Variants in FGF1 observed in about 807,000 individuals in gnomAD.
FGF1 encodes fibroblast growth factor 1, also known as beta-endothelial cell growth factor.
FGF1 carries 9 observed loss-of-function variants against 13.4 expected under a neutral mutation model. The observed-to-expected ratio is 0.67, with a 90% CI of 0.40 to 1.17. FGF1 has a LOEUF of 1.17. FGF1 is among the 50% of genes most tolerant of loss of function. The pLI is 0.01. For synonymous variants in FGF1, 93 were observed against 79.0 expected, an observed-to-expected ratio of 1.18 and a Z score of -0.94; for missense variants, 156 against 192.7, an observed-to-expected ratio of 0.81 and a Z score of 1.13.
At chr5:142,682,990 T>C (rs545663020) in intron 1 of FGF1, among the ~76,000 whole-genome samples, 1 of 152,264 alleles carries the variant, frequency 6.6e-6, no homozygotes, top group South Asian at 2.1e-4. Flanking sequence ...TCTGTGGTTG[T>C]TTGGGCTGGA....
intron 1 of FGF1, among the ~76,000 whole-genome samples, chr5:142,655,282 G>T (rs1029257394): frequency 6.6e-6 from 1 of 152,176 alleles, no homozygotes; most frequent in African/African-American, 2.4e-5. Context: ...ACACTGCCTA[G>T]GTATCACACA....
chr5:142,686,760 T>C (rs1751305214), upstream of FGF1, among the ~76,000 whole-genome samples: 1 of 152,104 alleles, frequency 6.6e-6, no homozygotes, highest in African/African-American at 2.4e-5. Flanking sequence ...GCAAAAGCCA[T>C]CCAGGTTGGG....
upstream of FGF1, among the ~76,000 whole-genome samples, chr5:142,690,119 A>C (rs913983532): frequency 1.8e-3 from 267 of 150,128 alleles, 1 homozygote; most frequent in African/African-American, 6.2e-3. Context: ...CAGGAGATCG[A>C]GACCATCCTG....
intron 3 of FGF1, among the ~76,000 whole-genome samples, chr5:142,596,488 A>G (rs1051931544): frequency 1.5e-5 from 2 of 137,014 alleles, no homozygotes; most frequent in African/African-American, 5.5e-5. Context: ...TGTGCCTGTA[A>G]TTACAACACT....
At chr5:142,646,109 G>C (rs917422075) in intron 1 of FGF1, among the ~76,000 whole-genome samples, 5 of 150,662 alleles carry the variant, frequency 3.3e-5, no homozygotes, top group African/African-American at 4.9e-5. Context: ...TGGGGTTTCA[G>C]TGTGTTAGCC....
At chr5:142,615,959 C>A (rs1010191027) in intron 1 of FGF1, among the ~76,000 whole-genome samples, 8 of 152,160 alleles carry the variant, frequency 5.3e-5, no homozygotes, top group African/African-American at 1.7e-4. Flanking sequence ...TAGTCTCCAC[C>A]AACAGCCTCT....
chr5:142,624,487 A>G (rs563891938), intron 1 of FGF1, among the ~76,000 whole-genome samples: 143 of 152,332 alleles, frequency 9.4e-4, no homozygotes, highest in African/African-American at 3.4e-3. Flanking sequence ...GCTCAACATG[A>G]CGTGCTAGTG....
At chr5:142,618,311 C>T (rs1760670246) in intron 1 of FGF1, among the ~76,000 whole-genome samples, 2 of 152,166 alleles carry the variant, frequency 1.3e-5, no homozygotes, top group African/African-American at 4.8e-5. Flanking sequence ...TGAACTCTGA[C>T]ACATGAACAG....
chr5:142,643,680 TC>T (rs1227468030), intron 1 of FGF1, among the ~76,000 whole-genome samples: 1 of 152,202 alleles, frequency 6.6e-6, no homozygotes, highest in East Asian at 1.9e-4. Context: ...CAGGCTTCCT[TC>T]CGATCGCTTA....
intron 2 of FGF1, among the ~76,000 whole-genome samples, chr5:142,611,214 A>C (rs147000006): frequency 1.1e-4 from 16 of 152,106 alleles, no homozygotes; most frequent in African/African-American, 3.1e-4. Context: ...AACCCTTGAA[A>C]CTCAGAAGGG....
At chr5:142,670,008 A>G (rs1011582662) in intron 1 of FGF1, among the ~76,000 whole-genome samples, 1 of 152,152 alleles carries the variant, frequency 6.6e-6, no homozygotes, top group Non-Finnish European at 1.5e-5. Context: ...CGAAGCTACA[A>G]AGAGGTTAAC....
At chr5:142,682,758 C>T (rs1229182052) in intron 1 of FGF1, among the ~76,000 whole-genome samples, 1 of 152,262 alleles carries the variant, frequency 6.6e-6, no homozygotes, top group Non-Finnish European at 1.5e-5. Context: ...TGCAAGTGAA[C>T]TCAAGAAGCT....
At chr5:142,673,737 G>T (rs1362065246) in intron 1 of FGF1, among the ~76,000 whole-genome samples, 1 of 152,112 alleles carries the variant, frequency 6.6e-6, no homozygotes, top group Non-Finnish European at 1.5e-5. Flanking sequence ...CCCACTTAGG[G>T]TGATTAGGGT....
chr5:142,609,508 AGAG>A (rs767185563), intron 2 of FGF1, among the ~76,000 whole-genome samples: 72 of 152,370 alleles, frequency 4.7e-4, no homozygotes, highest in Admixed American at 3.3e-4. Context: ...TTGCCCTGCC[AGAG>A]GAGTGAGATG....
chr5:142,600,626 C>T (rs758878671), intron 3 of FGF1, 76 bp downstream of exon 3: 77 of 974,256 alleles, frequency 7.9e-5, no homozygotes, highest in Non-Finnish European at 1.2e-4. Context: ...TTATAGTTTG[C>T]CTCACTCCAT....
At chr5:142,694,638 C>T (rs1385171381) in intron 2 of FGF1, among the ~76,000 whole-genome samples, 1 of 152,190 alleles carries the variant, frequency 6.6e-6, no homozygotes, top group African/African-American at 2.4e-5. Flanking sequence ...CCAGCTTGGT[C>T]ACCCTGGTGG....
At chr5:142,678,329 C>T (rs543109183) in intron 1 of FGF1, among the ~76,000 whole-genome samples, 13 of 152,058 alleles carry the variant, frequency 8.5e-5, no homozygotes, top group African/African-American at 2.4e-4. Flanking sequence ...GCATGGCATT[C>T]GGTTTTATAT....
At chr5:142,669,583 T>A (rs970990414) in intron 1 of FGF1, among the ~76,000 whole-genome samples, 1 of 152,090 alleles carries the variant, frequency 6.6e-6, no homozygotes, top group Admixed American at 6.5e-5. Context: ...GAAGGATGAA[T>A]GGAGAGGCTA....
Position 142,606,775 on chromosome 5 carries a change from A to G in FGF1, c.170-5970T>C, listed in dbSNP as rs529953258. Among the ~76,000 whole-genome samples the G allele has an allele frequency of 1.6e-4, 25 of 152,268 alleles. No individual in the cohort carries two copies. The South Asian group carries it at 5.0e-3, about 30-fold the overall frequency. ...CTAAGACTGGGAGAGGAATTGAGGA[A>G]ATGTTTCCTTCATCCTAACTCTATT... On this transcript the variant is annotated intron_variant, in intron 2 of 3. Coordinates refer to ENST00000337706, the MANE Select transcript of FGF1 (RefSeq NM_000800.5).
Sources: gnomAD v4.1 joint callset for allele counts (sites outside exome capture counted in the v4.1 genomes callset) on GRCh38, gnomAD v4.1.1 for gene constraint, MANE v1.5 for transcripts, NCBI Gene and HGNC (gene_info 2026-07-23, HGNC 2026-07-21) for gene names.